Variants in DNAH17 observed in about 807,000 individuals in gnomAD.
DNAH17 encodes dynein axonemal heavy chain 17.
In DNAH17, 376 loss-of-function variants were observed where a neutral mutation model predicts 485.6. The ratio of observed to expected loss-of-function variants is 0.77; its 90% CI spans 0.71 to 0.84. The LOEUF (loss-of-function observed/expected upper bound fraction) is 0.84. Ranked by LOEUF, DNAH17 falls within the 40% of genes least tolerant of loss-of-function variation. The pLI is 0.00. For missense variants in DNAH17, 6,370 were observed against 5,839.3 expected (o/e 1.09, Z -2.96); for synonymous variants, 3,031 against 2,405.9 (o/e 1.26, Z -7.60).
At chr17:78,564,419 C>T (rs115383498) in intron 11 of DNAH17, among the ~76,000 whole-genome samples, 40 of 152,210 alleles carry the variant, frequency 2.6e-4, no homozygotes, top group South Asian at 1.0e-3. Flanking sequence ...AGCACCTCCC[C>T]GTGGAGCCAG....
rs1555651658 is a variant in DNAH17, at chr17:78,438,123, T to TAC, written c.11806-257_11806-256dup. Among the ~76,000 whole-genome samples, 7 of 151,922 alleles carry TAC rather than the reference T, an allele frequency of 4.6e-5. No homozygotes were observed. The East Asian group carries it at 1.2e-3, about 26-fold the overall frequency. ...TCAATGAATTGCAAACCTCCAGCCT[T>TAC]ACGGTGAGTCCTTTGTGTCCTCCCT... On this transcript the variant is annotated intron_variant, in intron 73 of 80. Coordinates refer to ENST00000389840, the MANE Select transcript of DNAH17 (RefSeq NM_173628.4).
intron 19 of DNAH17, 37 bp downstream of exon 19, chr17:78,537,262 A>G: frequency 6.5e-7 from 1 of 1,538,474 alleles, no homozygotes; most frequent in South Asian, 1.2e-5. Flanking sequence ...AAAGCAATGG[A>G]TGACCCTGTG....
At chr17:78,458,291 T>C (rs1489380583) in intron 62 of DNAH17, among the ~76,000 whole-genome samples, 1 of 152,238 alleles carries the variant, frequency 6.6e-6, no homozygotes, top group Non-Finnish European at 1.5e-5. Flanking sequence ...AAGTGGGTTA[T>C]GACCGAGTAA....
Position 78,529,627 on chromosome 17 carries a change from C to T in DNAH17, c.3352G>A (p.Asp1118Asn). Reference sequence around the variant, plus strand: ...ATCACCTCCACAAGCCCATCATAGTCCCCCTCCTTGAGGGGCTTGGTCAAG... The same window carrying T: ...ATCACCTCCACAAGCCCATCATAGTTCCCCTCCTTGAGGGGCTTGGTCAAG... ...MGLTKPLKEG[D>N]YDGLVEVMGH... The change falls in exon 22 of 81, where the codon GAC (aspartate) becomes AAC (asparagine). Residue 1118 changes from aspartate to asparagine, a missense_variant. Physicochemically the swap from Asp to Asn is conservative, Grantham distance 23 (BLOSUM62 1). Transcript: ENST00000389840. 3 of 1,613,982 alleles carry T rather than the reference C, an allele frequency of 1.9e-6. No homozygotes were observed. The highest frequency in any genetic ancestry group is 1.1e-5 in the South Asian group (1 of 91,074).
At position 78,569,363 on chromosome 17, in the gene DNAH17, A is replaced by G; in HGVS notation, c.1197+12T>C. The G allele has an allele frequency of 6.2e-7, 1 of 1,612,560 alleles. No homozygotes were observed. Among genetic ancestry groups the G allele is most frequent in the Non-Finnish European group, 8.5e-7 (1 of 1,179,208 alleles). ...GTCCTGCCTTGGCCCTCGCCCTGCG[A>G]GGAAGGGGTACCTTAAAGAAAAGCT... On this transcript the variant is annotated intron_variant, in intron 8 of 80. Coordinates refer to ENST00000389840, the MANE Select transcript of DNAH17 (RefSeq NM_173628.4).
At chr17:78,537,629 C>A in intron 18 of DNAH17, 148 bp from the exon 19 acceptor site, 1 of 993,414 alleles carries the variant, frequency 1.0e-6, no homozygotes, top group Non-Finnish European at 1.5e-6. Flanking sequence ...CTCAGCGCAC[C>A]CCGCTCCTTG....
intron 73 of DNAH17, among the ~76,000 whole-genome samples, chr17:78,438,836 G>A (rs958458302): frequency 2.6e-5 from 4 of 152,190 alleles, no homozygotes; most frequent in Admixed American, 6.5e-5. Flanking sequence ...GGGTACTCTC[G>A]TATAAAGCCC....
At chr17:78,570,522 A>G (rs912261942) in intron 6 of DNAH17, 150 bp from the exon 7 acceptor site, 22 of 1,064,242 alleles carry the variant, frequency 2.1e-5, no homozygotes, top group Non-Finnish European at 2.9e-5. Flanking sequence ...AGGCCCACAC[A>G]TCTGATGGCA....
chr17:78,445,745 C>G (rs945474889), intron 69 of DNAH17, 65 bp from the exon 70 acceptor site: 2 of 1,535,318 alleles, frequency 1.3e-6, no homozygotes, highest in African/African-American at 2.7e-5. Context: ...CCTGAAGATG[C>G]GCGCTGGACT....
In DNAH17 at chr17:78,494,063, G is replaced by C; in HGVS notation, c.6381C>G (p.Val2127=). 6.2e-7 allele frequency: 1 copy of C among 1,612,900 alleles called. No homozygotes were observed. The highest frequency in any genetic ancestry group is 1.7e-5 in the Admixed American group (1 of 59,976). The stretch of plus-strand genomic sequence containing the variant: ...GAGATTTGCCGCTGCCCGCATTCCC[G>C]ACGATGAACACGGAGTGGCGGACCT... ...LLQVRHSVFI[V]GNAGSGKSQV... Residue 2127 remains valine (V), a synonymous_variant, in exon 41 of 81, where the codon GTC becomes GTG. Transcript: ENST00000389840.
chr17:78,450,723 G>T lies in DNAH17; in HGVS notation c.10858C>A (p.Leu3620Met). The T allele has an allele frequency of 6.2e-7, 1 of 1,613,972 alleles. No individual in the cohort carries two copies. The highest frequency in any genetic ancestry group is 1.1e-5 in the South Asian group (1 of 91,082). ...CTGGCTGTGTGCTTGGTGGTCTCCA[G>T]ATTCTCCACCAAGGCCGTGTCTCCC... Reference protein sequence around the residue: ...FLGDTALVENLETTKHTASEI... With the variant: ...FLGDTALVENMETTKHTASEI... Residue 3620 changes from leucine (L) to methionine (M), a missense_variant, in exon 67 of 81, where the codon CTG becomes ATG. Coordinates refer to ENST00000389840, the MANE Select transcript of DNAH17 (RefSeq NM_173628.4).
At chr17:78,514,025 C>A (rs1664694490) in intron 26 of DNAH17, among the ~76,000 whole-genome samples, 2 of 152,110 alleles carry the variant, frequency 1.3e-5, no homozygotes, top group Non-Finnish European at 2.9e-5. Context: ...CCTGCCAGTA[C>A]TGTGGGATAT....
At chr17:78,537,659 A>G (rs566011601) in intron 18 of DNAH17, among the ~76,000 whole-genome samples, 178 bp from the exon 19 acceptor site, 12 of 152,288 alleles carry the variant, frequency 7.9e-5, no homozygotes, top group Admixed American at 2.0e-4. Context: ...TACAGAGCCA[A>G]ATGTACAGCC....
chr17:78,456,223 C>CGGGAGGCGGAGGTTGCA (rs935825192), intron 62 of DNAH17, among the ~76,000 whole-genome samples: 1 of 152,136 alleles, frequency 6.6e-6, no homozygotes, highest in African/African-American at 2.4e-5. Context: ...TGCTTGAACC[C>CGGGAGGCGGAGGTTGCA]GGGAGGCGGA....
At chr17:78,545,566 T>C (rs1177841575) in intron 16 of DNAH17, among the ~76,000 whole-genome samples, 1 of 152,120 alleles carries the variant, frequency 6.6e-6, no homozygotes, top group Non-Finnish European at 1.5e-5. Flanking sequence ...ACGAATCTCC[T>C]TCGTGATGGC....
In DNAH17 at chr17:78,493,908, G is replaced by A. The variant is rs974580256; in HGVS notation, c.6408+128C>T. The stretch of plus-strand genomic sequence containing the variant: ...TCCTCCCTGGCCCATGACTCAGGCC[G>A]GAGGGCTCCCAGGATGTACTGGGTT... On this transcript the variant is annotated intron_variant, in intron 41 of 80. Coordinates refer to ENST00000389840, the MANE Select transcript of DNAH17 (RefSeq NM_173628.4). The A allele has an allele frequency of 4.4e-5, 59 of 1,346,684 alleles. 1 individual carries two copies. Among genetic ancestry groups the A allele is most frequent in the African/African-American group, 2.7e-4 (18 of 67,806 alleles). The allele number at this position is 1,346,684 out of a possible 1,614,324, so 83.4% of individuals were successfully genotyped here.
In DNAH17 at chr17:78,570,304, G is replaced by C; in HGVS notation, c.987C>G (p.Asn329Lys). ...CFIWATSEYY[N>K]TPARIIVILQ... ...GGATGACGATGATCCTGGCAGGTGTGTTATAGTACTCAGAGGTGGCCCAGA... is the reference window on the plus strand; with the variant it reads ...GGATGACGATGATCCTGGCAGGTGTCTTATAGTACTCAGAGGTGGCCCAGA... Residue 329 changes from asparagine (N) to lysine (K), a missense_variant, in exon 7 of 81, where the codon AAC (asparagine) becomes AAG (lysine). By Grantham distance (94) the Asn-to-Lys change is moderately conservative. Transcript: ENST00000389840. The C allele has an allele frequency of 6.2e-7, 1 of 1,603,722 alleles. No individual in the cohort carries two copies. The highest frequency in any genetic ancestry group is 2.2e-5 in the East Asian group (1 of 44,526).
chr17:78,526,716 C>T lies in DNAH17; in HGVS notation c.3646G>A (p.Glu1216Lys). The T allele has an allele frequency of 6.2e-7, 1 of 1,609,510 alleles. No individual in the cohort carries two copies. Among genetic ancestry groups the T allele is most frequent in the Non-Finnish European group, 8.5e-7 (1 of 1,176,616 alleles). The change falls in exon 24 of 81, where the codon GAG becomes AAG. Residue 1216 changes from glutamate to lysine, a missense_variant. Physicochemically the swap from Glu to Lys is moderately conservative, Grantham distance 56. Transcript: ENST00000389840. The stretch of plus-strand genomic sequence containing the variant: ...AACGGGGCCTCGCGCCTGAACCTCT[C>T]CCTGAACTCATGTTGCTTGAGCTGC... ...QFELKQHEFRERFRREAPFSF... is the reference protein window; with the variant it reads ...QFELKQHEFRKRFRREAPFSF...
Position 78,530,462 on chromosome 17 carries a change from G to T in DNAH17, c.3165C>A (p.Thr1055=), listed in dbSNP as rs1219253184. The change falls in exon 21 of 81, where the codon ACC becomes ACA. Residue 1055 remains threonine, a synonymous_variant. Transcript: ENST00000389840. The part of the protein sequence containing the change: ...LYEEVSKCEN[T]KVFHGWLQCD... ...ACTGCAGCCAGCCGTGGAACACCTT[G>T]GTGTTCTCGCACTTGGACACCTCCT... 1 of 1,613,376 alleles carries T rather than the reference G, an allele frequency of 6.2e-7. No homozygotes were observed. The highest frequency in any genetic ancestry group is 2.2e-5 in the East Asian group (1 of 44,876).
Sources: allele counts gnomAD v4.1 joint callset (sites outside exome capture counted in the v4.1 genomes callset), GRCh38; gene constraint gnomAD v4.1.1; transcripts MANE v1.5; gene names NCBI Gene and HGNC (gene_info 2026-07-23, HGNC 2026-07-21).